APP: variants seen among roughly 807,000 people sequenced by gnomAD.
The protein encoded by APP is amyloid-beta precursor protein.
A neutral mutation model predicts 101.4 loss-of-function variants in APP; 31 were observed. That is an observed-to-expected ratio of 0.31 (90% CI 0.23 to 0.41). APP has a LOEUF of 0.41. Among genes scored for constraint, APP ranks in the 10% least tolerant of loss-of-function variants. APP has a pLI of 1.00. For synonymous variants in APP, 366 were observed against 364.4 expected (o/e 1.00, Z -0.05); for missense variants, 839 against 1,003.7 (o/e 0.84, Z 2.22).
chr21:25,937,568 G>A (rs2146419300), intron 13 of APP, among the ~76,000 whole-genome samples: 1 of 152,262 alleles, frequency 6.6e-6, no homozygotes, highest in Admixed American at 6.5e-5. Flanking sequence ...CTTTGGATTT[G>A]AAGAGAGCCT....
Position 25,880,731 on chromosome 21 carries a change from C to T in APP, c.*939G>A, listed in dbSNP as rs1025204856. On this transcript the variant is annotated 3_prime_UTR_variant, in exon 18 of 18. Transcript: ENST00000346798. ...ACTGGTTAAAGAAAATTGAATCTGC[C>T]TCTTCTCCCCACCCAAAATTACTTC... 2 of 152,170 alleles carry T rather than the reference C, an allele frequency of 1.3e-5. No individual in the cohort carries two copies. The highest frequency in any genetic ancestry group is 4.8e-5 in the African/African-American group (2 of 41,432). 9.4% of individuals were successfully genotyped at this position (152,170 alleles called of 1,614,324 possible).
chr21:25,929,793 AG>A lies in APP; in HGVS notation c.1688-17832del, dbSNP rs1243560664. On this transcript the variant is annotated intron_variant, in intron 13 of 17. Coordinates refer to ENST00000346798, the MANE Select transcript of APP (RefSeq NM_000484.4). The stretch of plus-strand genomic sequence containing the variant: ...CATGCTCTTGCACGCATTTTTATAA[AG>A]GCAAAAGTCATTCTGGTGCCTGTAT... Among the ~76,000 whole-genome samples, 3 of 152,228 alleles carry A rather than the reference AG, an allele frequency of 2.0e-5. No homozygotes were observed. The East Asian group carries it at 5.8e-4, about 29-fold the overall frequency.
chr21:26,026,506 C>T (rs1442811881), intron 5 of APP, among the ~76,000 whole-genome samples: 2 of 152,234 alleles, frequency 1.3e-5, no homozygotes, highest in Non-Finnish European at 2.9e-5. Flanking sequence ...TATAATTCCA[C>T]ATGCAGGTGC....
intron 13 of APP, among the ~76,000 whole-genome samples, chr21:25,950,592 C>G (rs1366907931): frequency 6.6e-6 from 1 of 151,862 alleles, no homozygotes; most frequent in Non-Finnish European, 1.5e-5. Flanking sequence ...ATGTTGGCCA[C>G]GCTGGTCTTG....
chr21:26,049,168 T>C (rs545355296), intron 5 of APP, among the ~76,000 whole-genome samples: 38 of 152,034 alleles, frequency 2.5e-4, no homozygotes, highest in Non-Finnish European at 4.7e-4. Flanking sequence ...GGAGGGTGGA[T>C]GAAGCCTGGG....
chr21:25,886,426 C>A (rs1345690367), intron 17 of APP, among the ~76,000 whole-genome samples: 1 of 151,634 alleles, frequency 6.6e-6, no homozygotes, highest in African/African-American at 2.4e-5. Context: ...GACAGTCTTG[C>A]TCTGTCACCC....
chr21:26,165,489 G>T (rs1038868997), intron 1 of APP, among the ~76,000 whole-genome samples: 5 of 152,218 alleles, frequency 3.3e-5, no homozygotes, highest in Admixed American at 6.5e-5. Context: ...TCCTGCCCTG[G>T]TCTAAACTCT....
In APP at chr21:26,069,601, C is replaced by CT. The variant is rs565015919; in HGVS notation, c.356-16254dup. The stretch of plus-strand genomic sequence containing the variant: ...TCATTTGGTCCAGCCTATTTCTCTC[C>CT]TAAGTGTGAGACTCAATAAATACAC... On this transcript the variant is annotated intron_variant, in intron 3 of 17. Transcript: ENST00000346798. Among the ~76,000 whole-genome samples the CT allele has an allele frequency of 2.0e-5, 3 of 152,272 alleles. No homozygotes were observed. The South Asian group carries it at 6.2e-4, about 32-fold the overall frequency.
intron 3 of APP, among the ~76,000 whole-genome samples, chr21:26,065,358 G>C (rs929546235): frequency 1.1e-4 from 16 of 152,134 alleles, no homozygotes; most frequent in African/African-American, 3.4e-4. Context: ...GAATTAAAAA[G>C]AGCTTACCAA....
chr21:26,116,923 C>A (rs1018374891), intron 1 of APP, among the ~76,000 whole-genome samples: 2 of 152,140 alleles, frequency 1.3e-5, no homozygotes, highest in Non-Finnish European at 2.9e-5. Flanking sequence ...ACTCCACCAC[C>A]CAGACTAGAG....
rs1289969903 is a variant in APP, at chr21:26,000,159, T to A, written c.889A>T (p.Thr297Ser). 1.2e-6 allele frequency: 2 copies of A among 1,614,060 alleles called. No homozygotes were observed. Among genetic ancestry groups the A allele is most frequent in the Admixed American group, 3.3e-5 (2 of 60,004 alleles). ...VREVCSEQAE[T>S]GPCRAMISRW... ...GAGATCATTGCTCGGCACGGCCCCGTCTCGGCTTGTTCAGAGCACACCTCT... is the reference window on the plus strand; with the variant it reads ...GAGATCATTGCTCGGCACGGCCCCGACTCGGCTTGTTCAGAGCACACCTCT... The change falls in exon 7 of 18, where the codon ACG (threonine) becomes TCG (serine). Residue 297 changes from threonine (T) to serine (S), a missense_variant. Physicochemically the swap from Thr to Ser is moderately conservative, Grantham distance 58. Transcript: ENST00000346798.
At chr21:26,141,091 A>C (rs554320376) in intron 1 of APP, among the ~76,000 whole-genome samples, 1 of 152,226 alleles carries the variant, frequency 6.6e-6, no homozygotes, top group Non-Finnish European at 1.5e-5. Flanking sequence ...ATAAGCACAT[A>C]AATTTCTCAA....
intron 2 of APP, among the ~76,000 whole-genome samples, chr21:26,091,439 T>C (rs886330633): frequency 1.3e-5 from 2 of 152,112 alleles, no homozygotes; most frequent in Non-Finnish European, 2.9e-5. Context: ...AATATGACCA[T>C]TGTAAGCAAT....
At chr21:25,931,479 C>T (rs1016312667) in intron 13 of APP, among the ~76,000 whole-genome samples, 2 of 152,160 alleles carry the variant, frequency 1.3e-5, no homozygotes, top group African/African-American at 2.4e-5. Flanking sequence ...GGGAATTCTA[C>T]GGGTCAAGTG....
chr21:25,912,346 T>C (rs910015002), intron 13 of APP, among the ~76,000 whole-genome samples: 1 of 152,168 alleles, frequency 6.6e-6, no homozygotes, highest in Non-Finnish European at 1.5e-5. Context: ...CGCCAGGCTT[T>C]GGTGTGGCGG....
At chr21:26,030,022 CCAG>C (rs1328673409) in intron 5 of APP, among the ~76,000 whole-genome samples, 1 of 152,128 alleles carries the variant, frequency 6.6e-6, no homozygotes, top group South Asian at 2.1e-4. Context: ...TTTGTGTAAA[CCAG>C]CAGTTCCTGG....
intron 13 of APP, among the ~76,000 whole-genome samples, chr21:25,952,875 A>C (rs891687840): frequency 1.3e-5 from 2 of 152,244 alleles, no homozygotes; most frequent in Non-Finnish European, 2.9e-5. Context: ...TTTAATACAT[A>C]GTATTTTAAA....
At position 26,167,627 on chromosome 21, in the gene APP, C is replaced by T. The variant is rs186235613; in HGVS notation, c.57+2937G>A. ...GAGATCCTCTAGCAACAAGACTTAA[C>T]ATAAAGACAACCTCTCCCATTCCTT... is the stretch of plus-strand genomic sequence containing the variant. On this transcript the variant is annotated intron_variant, in intron 1 of 17. Transcript: ENST00000346798. 8.4e-4 allele frequency among the ~76,000 whole-genome samples: 128 copies of T among 152,310 alleles called. 3 individuals carry two copies. Among genetic ancestry groups the T allele is most frequent in the Non-Finnish European group, 2.1e-4 (14 of 68,018 alleles).
intron 5 of APP, among the ~76,000 whole-genome samples, chr21:26,044,758 C>G (rs182542098): frequency 6.6e-6 from 1 of 152,094 alleles, no homozygotes; most frequent in Admixed American, 6.5e-5. Context: ...AGGCTGGTCT[C>G]GAACTCCCAA....
Sources: gnomAD v4.1 joint callset for allele counts (sites outside exome capture counted in the v4.1 genomes callset) on GRCh38, gnomAD v4.1.1 for gene constraint, MANE v1.5 for transcripts, NCBI Gene and HGNC (gene_info 2026-07-23, HGNC 2026-07-21) for gene names.